The following CADM2 variants were observed in gnomAD, a reference collection of about 807,000 sequenced individuals.
CADM2 encodes immunoglobulin superfamily member 4D.
Under a neutral mutation model 49.8 loss-of-function variants are expected in CADM2, and 12 were observed. The observed-to-expected ratio is 0.24, with a 90% CI of 0.15 to 0.39. The LOEUF (loss-of-function observed/expected upper bound fraction) is 0.39, where lower values mean the gene tolerates loss of function less well. Ranked by LOEUF, CADM2 falls within the 10% of genes least tolerant of loss-of-function variation. The pLI is 1.00. For missense variants in CADM2, 378 were observed against 492.3 expected (o/e 0.77, Z 2.20); for synonymous variants, 214 against 175.4 (o/e 1.22, Z -1.74).
intron 1 of CADM2, among the ~76,000 whole-genome samples, chr3:85,631,990 T>C (rs1185892173): frequency 1.3e-5 from 2 of 152,136 alleles, no homozygotes; most frequent in African/African-American, 2.4e-5. Context: ...ATACTTTTTA[T>C]TTTGCTATGC....
chr3:85,295,684 G>A (rs1227181326), intron 1 of CADM2, among the ~76,000 whole-genome samples: 2 of 151,682 alleles, frequency 1.3e-5, no homozygotes, highest in African/African-American at 2.4e-5. Flanking sequence ...GTAAACTATC[G>A]CAAGAACAAA....
chr3:85,932,738 GT>G (rs1480891606), intron 6 of CADM2, among the ~76,000 whole-genome samples: 4 of 152,072 alleles, frequency 2.6e-5, no homozygotes, highest in Admixed American at 6.6e-5. Context: ...GTTTTTGTGT[GT>G]GTGTGTTTCC....
chr3:85,497,842 A>C (rs1221463570), intron 1 of CADM2, among the ~76,000 whole-genome samples: 2 of 151,980 alleles, frequency 1.3e-5, no homozygotes, highest in Admixed American at 6.6e-5. Context: ...TTATCTATCT[A>C]TCTATCCATT....
At chr3:85,383,549 T>C (rs1243539569) in intron 1 of CADM2, among the ~76,000 whole-genome samples, 1 of 146,352 alleles carries the variant, frequency 6.8e-6, no homozygotes, top group East Asian at 2.0e-4. Context: ...CATATATATA[T>C]ACATATAAAC....
intron 1 of CADM2, among the ~76,000 whole-genome samples, chr3:85,561,804 A>C (rs923821896): frequency 3.3e-5 from 5 of 152,156 alleles, no homozygotes; most frequent in Non-Finnish European, 7.4e-5. Flanking sequence ...CAAATATCAG[A>C]CTTTTCGTTG....
intron 1 of CADM2, among the ~76,000 whole-genome samples, chr3:85,211,404 A>AT (rs908137437): frequency 2.0e-5 from 3 of 151,670 alleles, no homozygotes; most frequent in Non-Finnish European, 4.4e-5. Context: ...AAGTTTTTCT[A>AT]TTTTTTTATG....
chr3:85,146,137 A>G (rs1428321884), intron 1 of CADM2, among the ~76,000 whole-genome samples: 3 of 152,188 alleles, frequency 2.0e-5, no homozygotes, highest in Admixed American at 2.0e-4. Flanking sequence ...ATATCTGTAA[A>G]CATTTAGACC....
chr3:85,191,443 G>A (rs935078547), intron 1 of CADM2, among the ~76,000 whole-genome samples: 2 of 151,936 alleles, frequency 1.3e-5, no homozygotes, highest in African/African-American at 4.8e-5. Flanking sequence ...TTAATATTTA[G>A]TCTTCAGTAC....
chr3:85,239,064 A>G (rs1034746482), intron 1 of CADM2, among the ~76,000 whole-genome samples: 1 of 151,784 alleles, frequency 6.6e-6, no homozygotes, highest in African/African-American at 2.4e-5. Context: ...TAAACACCAG[A>G]CTGGATGCTG....
At chr3:86,011,807 G>A (rs1428552724) in intron 8 of CADM2, among the ~76,000 whole-genome samples, 6 of 151,918 alleles carry the variant, frequency 3.9e-5, no homozygotes, top group East Asian at 1.9e-4. Flanking sequence ...GGAAACGTAC[G>A]AACATAAATT....
intron 3 of CADM2, among the ~76,000 whole-genome samples, chr3:85,874,974 ACT>A (rs1451781874): frequency 2.6e-5 from 4 of 152,138 alleles, no homozygotes; most frequent in Non-Finnish European, 4.4e-5. Flanking sequence ...TTACTGAAAA[ACT>A]GTCTTCAAAT....
chr3:85,647,775 TG>T (rs1166100625), intron 1 of CADM2, among the ~76,000 whole-genome samples: 6 of 151,772 alleles, frequency 4.0e-5, no homozygotes, highest in Admixed American at 3.9e-4. Flanking sequence ...ATTAAAAAAA[TG>T]AAAACTACAA....
intron 3 of CADM2, among the ~76,000 whole-genome samples, chr3:85,823,932 C>A (rs1225489139): frequency 3.3e-5 from 5 of 152,028 alleles, no homozygotes; most frequent in Non-Finnish European, 7.4e-5. Flanking sequence ...TACAGCCCAT[C>A]CGCGAGATTA....
intron 1 of CADM2, among the ~76,000 whole-genome samples, chr3:85,042,324 C>A (rs2035474843): frequency 1.3e-5 from 2 of 152,068 alleles, no homozygotes. Flanking sequence ...TTGGTTTCAA[C>A]GTTATGTTTT....
intron 1 of CADM2, among the ~76,000 whole-genome samples, chr3:85,673,350 G>T (rs1177760769): frequency 6.6e-6 from 1 of 151,986 alleles, no homozygotes; most frequent in Non-Finnish European, 1.5e-5. Flanking sequence ...CTACCTAAAG[G>T]TCTGATTAAG....
chr3:85,656,792 T>A (rs1430001163), intron 1 of CADM2, among the ~76,000 whole-genome samples: 1 of 152,220 alleles, frequency 6.6e-6, no homozygotes, highest in East Asian at 1.9e-4. Flanking sequence ...TCAGTCACTC[T>A]ATATTGAAAT....
intron 1 of CADM2, among the ~76,000 whole-genome samples, chr3:85,360,888 G>C (rs534366168): frequency 6.6e-6 from 1 of 152,278 alleles, no homozygotes; most frequent in East Asian, 1.9e-4. Context: ...TCATTCTGCA[G>C]CTACAGGGAA....
At chr3:85,097,003 T>A (rs1276452938) in intron 1 of CADM2, among the ~76,000 whole-genome samples, 3 of 152,112 alleles carry the variant, frequency 2.0e-5, no homozygotes, top group African/African-American at 7.2e-5. Context: ...TTGGATTTTT[T>A]TTATTATTAT....
intron 3 of CADM2, among the ~76,000 whole-genome samples, chr3:85,851,219 A>G (rs2075095893): frequency 6.6e-6 from 1 of 152,146 alleles, no homozygotes; most frequent in African/African-American, 2.4e-5. Flanking sequence ...TTCCTGTTTA[A>G]ATTTAGAGGC....
Sources: gnomAD v4.1 joint callset for allele counts (sites outside exome capture counted in the v4.1 genomes callset) on GRCh38, gnomAD v4.1.1 for gene constraint, MANE v1.5 for transcripts, NCBI Gene and HGNC (gene_info 2026-07-23, HGNC 2026-07-21) for gene names.